PTGFRN: variants seen among roughly 807,000 people sequenced by gnomAD.
The protein encoded by PTGFRN is prostaglandin F2 receptor inhibitor.
PTGFRN carries 35 observed loss-of-function variants against 83.2 expected under a neutral mutation model. That is an observed-to-expected ratio of 0.42 (90% confidence interval 0.32 to 0.56). PTGFRN has a LOEUF of 0.56. Among genes scored for constraint, PTGFRN ranks in the 20% least tolerant of loss-of-function variants. The pLI, the probability that PTGFRN is intolerant of heterozygous loss-of-function variation, is 0.11. For synonymous variants in PTGFRN, 519 were observed against 498.6 expected (o/e 1.04, Z -0.55); for missense variants, 1,051 against 1,179.5 (o/e 0.89, Z 1.60).
At chr1:116,948,826 A>G (rs114840671) in intron 3 of PTGFRN, among the ~76,000 whole-genome samples, 59 of 152,338 alleles carry the variant, frequency 3.9e-4, no homozygotes, top group Non-Finnish European at 6.9e-4. Flanking sequence ...TCTGCCACCT[A>G]TCAGCTGTGT....
chr1:116,928,125 A>G (rs1200244737), intron 1 of PTGFRN, among the ~76,000 whole-genome samples: 2 of 152,180 alleles, frequency 1.3e-5, no homozygotes, highest in Non-Finnish European at 2.9e-5. Context: ...GTAGCCAGGC[A>G]CAGGCTAACG....
intron 1 of PTGFRN, among the ~76,000 whole-genome samples, chr1:116,926,369 G>T (rs1649661454): frequency 1.3e-5 from 2 of 152,224 alleles, no homozygotes; most frequent in Non-Finnish European, 1.5e-5. Context: ...AGCAGGGAGG[G>T]ATGCTGAGCG....
At chr1:116,913,499 A>G (rs1649324169) in intron 1 of PTGFRN, among the ~76,000 whole-genome samples, 1 of 152,064 alleles carries the variant, frequency 6.6e-6, no homozygotes, top group South Asian at 2.1e-4. Context: ...TAGGTTTTGC[A>G]TGCTGTGCTA....
At chr1:116,938,344 G>T (rs1649974844) in intron 1 of PTGFRN, among the ~76,000 whole-genome samples, 1 of 152,222 alleles carries the variant, frequency 6.6e-6, no homozygotes, top group Non-Finnish European at 1.5e-5. Flanking sequence ...ACAAAAGAAA[G>T]AGGTTTAATT....
intron 7 of PTGFRN, chr1:116,974,611 G>A: frequency 2.9e-6 from 1 of 350,574 alleles, no homozygotes. Context: ...AAACCCACTG[G>A]CAGAGTCTAG....
Position 116,941,848 on chromosome 1 carries a change from A to G in PTGFRN, c.183A>G (p.Ser61=). 6.2e-7 allele frequency: 1 copy of G among 1,614,150 alleles called. No individual in the cohort carries two copies. The highest frequency in any genetic ancestry group is 8.5e-7 in the Non-Finnish European group (1 of 1,180,030). The change falls in exon 2 of 9, where the codon TCA becomes TCG. Residue 61 remains serine (S), a synonymous_variant. Transcript: ENST00000393203. This position sits in a 1 kb window ranked among gnomAD's most constrained non-coding sequence, Gnocchi z 5.0. ...PSEQNFDWSF[S]SLGSSFVELA... is the part of the protein sequence containing the mutation. ...AGCAAAACTTTGACTGGAGCTTCTCATCTTTGGGGAGCAGCTTTGTGGAGC... is the reference window on the plus strand; with the variant it reads ...AGCAAAACTTTGACTGGAGCTTCTCGTCTTTGGGGAGCAGCTTTGTGGAGC...
At position 116,961,823 on chromosome 1, in the gene PTGFRN, TTGGACTCACTATCACCCCTCCTC is replaced by T. The variant is rs1313714683; in HGVS notation, c.1639+158_1639+180del. On this transcript the variant is annotated intron_variant, in intron 5 of 8. Coordinates refer to ENST00000393203, the MANE Select transcript of PTGFRN (RefSeq NM_020440.4). The surrounding 1 kb of genome is among the most constrained non-coding windows in gnomAD (Gnocchi z 5.4). ...CCATGCGACCCGTTGCACATGCTCT[TTGGACTCACTATCACCCCTCCTC>T]TGTCCCCAAGCCCCAGAGAGGTCCC... Among the ~76,000 whole-genome samples, 1 of 152,166 alleles carries T rather than the reference TTGGACTCACTATCACCCCTCCTC, an allele frequency of 6.6e-6. No individual in the cohort carries two copies. Among genetic ancestry groups the T allele is most frequent in the African/African-American group, 2.4e-5 (1 of 41,432 alleles).
In PTGFRN at chr1:116,984,967, A is replaced by G. The variant is rs375995816; in HGVS notation, c.2455A>G (p.Ile819Val). 7.4e-5 allele frequency: 119 copies of G among 1,613,726 alleles called. No homozygotes were observed. The highest frequency in any genetic ancestry group is 1.0e-4 in the Non-Finnish European group (118 of 1,179,768). The change falls in exon 8 of 9, where the codon ATA (isoleucine) becomes GTA (valine). Residue 819 changes from isoleucine to valine, a missense_variant. Physicochemically the swap from Ile to Val is conservative, Grantham distance 29. This residue lies in a region of PTGFRN where 719 missense variants were observed against 836.6 expected (regional missense o/e 0.86). Coordinates refer to ENST00000393203, the MANE Select transcript of PTGFRN (RefSeq NM_020440.4). ...EAEIHSKPVF[I>V]TVKMDVLNAF... Reference sequence around the variant, plus strand: ...AGAGATCCACTCCAAGCCCGTTTTTATAACTGTGAAGATGGATGGTAAGAA... The same window carrying G: ...AGAGATCCACTCCAAGCCCGTTTTTGTAACTGTGAAGATGGATGGTAAGAA...
intron 3 of PTGFRN, among the ~76,000 whole-genome samples, chr1:116,946,976 A>C (rs1449643637): frequency 6.6e-6 from 1 of 152,262 alleles, no homozygotes; most frequent in Non-Finnish European, 1.5e-5. Context: ...TTCCAGACAC[A>C]GGTAATACTA....
chr1:116,976,926 G>A (rs1032955215), intron 7 of PTGFRN, among the ~76,000 whole-genome samples: 3 of 152,136 alleles, frequency 2.0e-5, no homozygotes, highest in Non-Finnish European at 4.4e-5. Context: ...GACACAGACT[G>A]GCAAATTGGA....
rs1557746068 is a variant in PTGFRN at position 116,967,034 on chromosome 1, T to C, written c.1763T>C (p.Met588Thr). The change falls in exon 6 of 9, where the codon ATG becomes ACG. Residue 588 changes from methionine to threonine, a missense_variant. Met to Thr is a moderately conservative substitution (Grantham distance 81, BLOSUM62 -1). Coordinates refer to ENST00000393203, the MANE Select transcript of PTGFRN (RefSeq NM_020440.4). ...TCGCCACGCTACTCTGTTCTCATCA[T>C]GGCTGAGAAGCCTGTCGGCGACCTC... ...IKSPRYSVLI[M>T]AEKPVGDLSS... The C allele has an allele frequency of 6.2e-7, 1 of 1,614,252 alleles. No homozygotes were observed. The highest frequency in any genetic ancestry group is 8.5e-7 in the Non-Finnish European group (1 of 1,180,050).
intron 1 of PTGFRN, among the ~76,000 whole-genome samples, chr1:116,917,619 G>A (rs1649436368): frequency 6.6e-6 from 1 of 152,112 alleles, no homozygotes; most frequent in Admixed American, 6.5e-5. Flanking sequence ...TTTTCTATAT[G>A]TTCCCTTGTT....
intron 4 of PTGFRN, among the ~76,000 whole-genome samples, chr1:116,950,119 A>G (rs1650305817): frequency 6.6e-6 from 1 of 152,084 alleles, no homozygotes; most frequent in Non-Finnish European, 1.5e-5. Flanking sequence ...CCCCAGGTGT[A>G]ATTTCCCCAG....
At chr1:116,973,000 T>C (rs907027298) in intron 6 of PTGFRN, among the ~76,000 whole-genome samples, 2 of 152,194 alleles carry the variant, frequency 1.3e-5, no homozygotes, top group Non-Finnish European at 2.9e-5. Flanking sequence ...CTTGACTCAC[T>C]GTAGCCCCAA....
intron 1 of PTGFRN, among the ~76,000 whole-genome samples, chr1:116,930,416 C>T (rs1048404344): frequency 1.1e-4 from 16 of 152,194 alleles, no homozygotes; most frequent in Admixed American, 4.6e-4. Flanking sequence ...TCGACTCCCA[C>T]GTCTTCACTG....
intron 1 of PTGFRN, among the ~76,000 whole-genome samples, chr1:116,934,683 T>G (rs1237930015): frequency 2.0e-5 from 3 of 152,098 alleles, no homozygotes; most frequent in Non-Finnish European, 4.4e-5. Context: ...TATTGTCTTA[T>G]TTTTTCTCTT....
chr1:116,940,852 G>GTAAA (rs1185662975), intron 1 of PTGFRN, among the ~76,000 whole-genome samples: 1 of 152,222 alleles, frequency 6.6e-6, no homozygotes, highest in Non-Finnish European at 1.5e-5. Context: ...TAAACAGGTA[G>GTAAA]TAAATACACT....
chr1:116,940,884 TTGCA>T (rs1243779623), intron 1 of PTGFRN, among the ~76,000 whole-genome samples: 1 of 152,190 alleles, frequency 6.6e-6, no homozygotes. Flanking sequence ...CTGAAGTTCA[TTGCA>T]ATGAAGACAT....
intron 8 of PTGFRN, among the ~76,000 whole-genome samples, chr1:116,986,555 G>A (rs1340019384): frequency 6.6e-6 from 1 of 152,164 alleles, no homozygotes; most frequent in Non-Finnish European, 1.5e-5. Flanking sequence ...CAAAGGCATC[G>A]AGTGAAATCT....
Sources: gnomAD v4.1 joint callset for allele counts (sites outside exome capture counted in the v4.1 genomes callset) on GRCh38, gnomAD v4.1.1 for gene constraint, gnomAD v4.1.1 regional missense constraint, Gnocchi (gnomAD v3.1) non-coding constraint, MANE v1.5 for transcripts, NCBI Gene and HGNC (gene_info 2026-07-23, HGNC 2026-07-21) for gene names.